The following CDK5RAP2 variants were observed in gnomAD, a reference collection of about 807,000 sequenced individuals.
The protein encoded by CDK5RAP2 is CDK5 regulatory subunit associated protein 2.
CDK5RAP2 carries 147 observed loss-of-function variants against 232.9 expected under a neutral mutation model. The observed-to-expected ratio is 0.63, with a 90% CI of 0.55 to 0.72. The LOEUF (loss-of-function observed/expected upper bound fraction) is 0.72, where lower values mean the gene tolerates loss of function less well. CDK5RAP2 is among the 30% of genes least tolerant of loss of function. CDK5RAP2 has a pLI of 0.00. For missense variants in CDK5RAP2, 2,195 were observed against 2,231.5 expected (o/e 0.98, Z 0.33); for synonymous variants, 833 against 833.7 (o/e 1.00, Z 0.01).
chr9:120,549,096 C>T (rs1198849450), intron 4 of CDK5RAP2, among the ~76,000 whole-genome samples: 2 of 149,928 alleles, frequency 1.3e-5, no homozygotes, highest in African/African-American at 4.9e-5. Context: ...GCAGAGGTTG[C>T]AGTAAGCCAA....
At chr9:120,566,852 A>T (rs1448664150) in intron 3 of CDK5RAP2, among the ~76,000 whole-genome samples, 1 of 152,222 alleles carries the variant, frequency 6.6e-6, no homozygotes, top group African/African-American at 2.4e-5. Flanking sequence ...TATAATAAAG[A>T]GGGTTGTGTT....
At chr9:120,438,427 G>A (rs1040956687) in intron 24 of CDK5RAP2, among the ~76,000 whole-genome samples, 5 of 152,158 alleles carry the variant, frequency 3.3e-5, no homozygotes, top group African/African-American at 1.2e-4. Context: ...AGCATTAAAG[G>A]TGGGGGCCAG....
chr9:120,514,903 T>C lies in CDK5RAP2; in HGVS notation c.1311+3524A>G, dbSNP rs537303353. 7.9e-5 allele frequency among the ~76,000 whole-genome samples: 12 copies of C among 152,186 alleles called. No homozygotes were observed. In the South Asian group the frequency reaches 2.3e-3, roughly 29 times the overall value. ...AAGCACCAGAGTTTACATGAATAAG[T>C]AAATTATGAAACCAACAAATAATGT... On this transcript the variant is annotated intron_variant, in intron 12 of 37. Coordinates refer to ENST00000349780, the MANE Select transcript of CDK5RAP2 (RefSeq NM_018249.6).
intron 12 of CDK5RAP2, among the ~76,000 whole-genome samples, chr9:120,497,584 A>G (rs2039370507): frequency 6.6e-6 from 1 of 152,178 alleles, no homozygotes; most frequent in Non-Finnish European, 1.5e-5. Context: ...GAAGAAACCC[A>G]GAAGATTCCA....
At position 120,389,286 on chromosome 9, in the gene CDK5RAP2, G is replaced by C. The variant is rs1419411365; in HGVS notation, c.5632C>G (p.Pro1878Ala). 1 of 1,612,140 alleles carries C rather than the reference G, an allele frequency of 6.2e-7. No individual in the cohort carries two copies. The highest frequency in any genetic ancestry group is 8.5e-7 in the Non-Finnish European group (1 of 1,178,986). Residue 1878 changes from proline (P) to alanine (A), a missense_variant, in exon 38 of 38, where the codon CCT (proline) becomes GCT (alanine). Pro to Ala is a conservative substitution (Grantham distance 27). Coordinates refer to ENST00000349780, the MANE Select transcript of CDK5RAP2 (RefSeq NM_018249.6). ...CATGTTCCTGGATGGGCTCCCCCAG[G>C]CCTAAGCTAGGAAAAGGAAGAAAAA... Reference protein sequence around the residue: ...RKARGNLELRPGGAHPGTCSP... With the variant: ...RKARGNLELRAGGAHPGTCSP...
intron 36 of CDK5RAP2, among the ~76,000 whole-genome samples, chr9:120,391,847 G>A (rs540653327): frequency 3.2e-4 from 48 of 152,278 alleles, no homozygotes; most frequent in Middle Eastern, 3.4e-3. Flanking sequence ...TGTGAAGTCC[G>A]CAGGGCTTGG....
intron 12 of CDK5RAP2, among the ~76,000 whole-genome samples, chr9:120,511,993 C>G (rs1468083774): frequency 6.6e-6 from 1 of 152,134 alleles, no homozygotes; most frequent in African/African-American, 2.4e-5. Flanking sequence ...CCACCTCGGC[C>G]TCCCAAAGTG....
At chr9:120,408,267 C>T in intron 31 of CDK5RAP2, 80 bp downstream of exon 31, 2 of 1,559,696 alleles carry the variant, frequency 1.3e-6, no homozygotes, top group Non-Finnish European at 1.8e-6. Context: ...TGAGCTCTGC[C>T]CTCCTGTGCC....
At chr9:120,504,791 G>C (rs976414994) in intron 12 of CDK5RAP2, among the ~76,000 whole-genome samples, 1 of 151,988 alleles carries the variant, frequency 6.6e-6, no homozygotes, top group African/African-American at 2.4e-5. Flanking sequence ...ATACTTTCAG[G>C]CTCTCTGCCT....
chr9:120,486,409 T>TAAAA (rs34029371), intron 14 of CDK5RAP2, among the ~76,000 whole-genome samples: 1 of 132,836 alleles, frequency 7.5e-6, no homozygotes, highest in Admixed American at 7.5e-5. Context: ...GTTTTTCTTT[T>TAAAA]AAAAAAAAAA....
chr9:120,461,240 T>C (rs2037071315), intron 18 of CDK5RAP2, among the ~76,000 whole-genome samples: 4 of 152,276 alleles, frequency 2.6e-5, no homozygotes, highest in Admixed American at 2.6e-4. Flanking sequence ...TCATCTCTAA[T>C]GAGAAGAGTA....
chr9:120,491,762 A>G (rs2038921117), intron 12 of CDK5RAP2, among the ~76,000 whole-genome samples: 1 of 150,894 alleles, frequency 6.6e-6, no homozygotes, highest in Non-Finnish European at 1.5e-5. Flanking sequence ...AAATAATTAT[A>G]AAGAGTACGG....
In CDK5RAP2 at chr9:120,518,621, G is replaced by A. The variant is rs754107244; in HGVS notation, c.1117C>T (p.Leu373=). ...GCCGAAAGGGCTTCCTTTCCTGATA[G>A]AGCAGTCTCATAGTCTTCAGACCCC... The part of the protein sequence containing the change: ...FQGSEDYETA[L]SGKEALSAAL... The change falls in exon 12 of 38, where the codon CTA becomes TTA. Residue 373 remains leucine, a synonymous_variant. Coordinates refer to ENST00000349780, the MANE Select transcript of CDK5RAP2 (RefSeq NM_018249.6). 8 of 1,613,614 alleles carry A rather than the reference G, an allele frequency of 5.0e-6. No homozygotes were observed. The South Asian group carries it at 8.8e-5, about 18-fold the overall frequency.
At chr9:120,474,162 G>T (rs1488252233) in intron 15 of CDK5RAP2, among the ~76,000 whole-genome samples, 1 of 152,134 alleles carries the variant, frequency 6.6e-6, no homozygotes, top group African/African-American at 2.4e-5. Context: ...GAATAAATGA[G>T]ATATTACATG....
chr9:120,447,899 C>T lies in CDK5RAP2; in HGVS notation c.3021G>A (p.Leu1007=). 1 of 1,612,510 alleles carries T rather than the reference C, an allele frequency of 6.2e-7. No homozygotes were observed. The highest frequency in any genetic ancestry group is 8.5e-7 in the Non-Finnish European group (1 of 1,178,528). Residue 1007 remains leucine (L), a synonymous_variant, in exon 22 of 38, where the codon CTG becomes CTA. Transcript: ENST00000349780. ...EGRPTPDKTL[L]NAQPPVGAAY... is the part of the protein sequence containing the mutation. ...TACATTTTTCTTGGTGCTTACCATT[C>T]AGCAACGTTTTGTCGGGCGTTGGCC...
intron 24 of CDK5RAP2, among the ~76,000 whole-genome samples, chr9:120,438,042 T>A (rs1410606531): frequency 6.6e-6 from 1 of 152,228 alleles, no homozygotes; most frequent in African/African-American, 2.4e-5. Flanking sequence ...TATCTGATCC[T>A]CTCAGTCTTC....
chr9:120,419,397 C>G (rs1305285932), intron 27 of CDK5RAP2, among the ~76,000 whole-genome samples: 2 of 152,086 alleles, frequency 1.3e-5, no homozygotes, highest in African/African-American at 4.8e-5. Flanking sequence ...AATATCAGAA[C>G]AGGGGGCTAG....
intron 6 of CDK5RAP2, among the ~76,000 whole-genome samples, chr9:120,538,199 G>A (rs1341366058): frequency 2.0e-5 from 3 of 152,258 alleles, no homozygotes; most frequent in Admixed American, 2.0e-4. Context: ...GACAATTTAA[G>A]GGCTGATATG....
intron 36 of CDK5RAP2, among the ~76,000 whole-genome samples, chr9:120,394,065 A>G (rs2032240049): frequency 1.3e-5 from 2 of 152,198 alleles, no homozygotes; most frequent in South Asian, 4.1e-4. Context: ...GGTTTCTCAC[A>G]TACAAAAACT....
Sources: allele counts gnomAD v4.1 joint callset (sites outside exome capture counted in the v4.1 genomes callset), GRCh38; gene constraint gnomAD v4.1.1; transcripts MANE v1.5; gene names NCBI Gene and HGNC (gene_info 2026-07-23, HGNC 2026-07-21).